The following DIS3L2 variants were observed in gnomAD, a reference collection of about 807,000 sequenced individuals.
DIS3L2 encodes the protein DIS3-like exonuclease 2.
A neutral mutation model predicts 97.5 loss-of-function variants in DIS3L2; 34 were observed. The observed-to-expected ratio is 0.35, with a 90% CI of 0.27 to 0.46. The LOEUF is 0.46. Ranked by LOEUF, DIS3L2 falls within the 20% of genes least tolerant of loss-of-function variation. The pLI is 1.00. For missense variants in DIS3L2, 1,038 were observed against 1,146.0 expected, an observed-to-expected ratio of 0.91 and a Z score of 1.36; for synonymous variants, 435 against 445.2, an observed-to-expected ratio of 0.98 and a Z score of 0.29.
In DIS3L2 at chr2:232,169,092, G is replaced by A. The variant is rs533648294; in HGVS notation, c.1124+5460G>A. 3.9e-5 allele frequency among the ~76,000 whole-genome samples: 6 copies of A among 152,242 alleles called. No individual in the cohort carries two copies. In the South Asian group the frequency reaches 1.2e-3, roughly 32 times the overall value. ...ATTGTAATGAAGGAGGGGGTGCTTG[G>A]TGCAAGTGTTTGTGATCATGTGATT... On this transcript the variant is annotated intron_variant, in intron 9 of 20. Coordinates refer to ENST00000325385, the MANE Select transcript of DIS3L2 (RefSeq NM_152383.5).
At chr2:231,985,877 C>A (rs1255333956) in intron 1 of DIS3L2, among the ~76,000 whole-genome samples, 3 of 152,114 alleles carry the variant, frequency 2.0e-5, no homozygotes, top group African/African-American at 7.2e-5. Flanking sequence ...AGAGTGTTGC[C>A]AGAGGTGATT....
At chr2:232,007,784 A>T (rs151013541) in intron 1 of DIS3L2, among the ~76,000 whole-genome samples, 1 of 152,314 alleles carries the variant, frequency 6.6e-6, no homozygotes, top group African/African-American at 2.4e-5. Flanking sequence ...TTATCTGTTT[A>T]CAAGTTTTAG....
chr2:232,157,576 A>ACCATAAGGTAC (rs1690527448), intron 8 of DIS3L2, among the ~76,000 whole-genome samples: 2 of 152,232 alleles, frequency 1.3e-5, no homozygotes, highest in Admixed American at 1.3e-4. Context: ...TTACATAAGC[A>ACCATAAGGTAC]ATATAGGTAG....
In DIS3L2 at chr2:232,304,824, G is replaced by T. The variant is rs1172422324; in HGVS notation, c.1739+4705G>T. Among the ~76,000 whole-genome samples, 3 of 152,072 alleles carry T rather than the reference G, an allele frequency of 2.0e-5. No homozygotes were observed. The South Asian group carries it at 6.2e-4, about 32-fold the overall frequency. On this transcript the variant is annotated intron_variant, in intron 14 of 20. Transcript: ENST00000325385. ...ATTCATTTTTATTTATATTGTTTAG[G>T]ACTCAATATAGTTCTCATTTAGAAA...
intron 5 of DIS3L2, among the ~76,000 whole-genome samples, chr2:232,072,770 A>G (rs998847299): frequency 1.4e-5 from 2 of 141,210 alleles, no homozygotes; most frequent in African/African-American, 5.5e-5. Flanking sequence ...ATCAGCTGAC[A>G]GTTGGGATGT....
At chr2:232,185,514 C>G (rs1691407862) in intron 9 of DIS3L2, among the ~76,000 whole-genome samples, 1 of 152,130 alleles carries the variant, frequency 6.6e-6, no homozygotes, top group Non-Finnish European at 1.5e-5. Context: ...CAGCAGTGAG[C>G]TATGTTTTTA....
chr2:232,040,020 T>C (rs1438687361), intron 5 of DIS3L2, among the ~76,000 whole-genome samples: 1 of 152,068 alleles, frequency 6.6e-6, no homozygotes, highest in Admixed American at 6.5e-5. Context: ...CATAGGCTGG[T>C]TGGGAAGAGA....
intron 14 of DIS3L2, among the ~76,000 whole-genome samples, chr2:232,312,174 A>G (rs943339550): frequency 3.3e-5 from 5 of 152,212 alleles, no homozygotes; most frequent in African/African-American, 1.2e-4. Flanking sequence ...TTTAACGTAC[A>G]GAAGTACTTA....
intron 9 of DIS3L2, among the ~76,000 whole-genome samples, chr2:232,188,515 G>T (rs891606067): frequency 3.9e-5 from 6 of 152,168 alleles, no homozygotes; most frequent in African/African-American, 1.4e-4. Context: ...AGAGGAATTT[G>T]CCATACATAG....
At chr2:232,330,591 C>G in intron 15 of DIS3L2, 99 bp from the exon 16 acceptor site, 1 of 1,299,910 alleles carries the variant, frequency 7.7e-7, no homozygotes, top group South Asian at 1.2e-5. Flanking sequence ...CAACTCCTCC[C>G]CCCAGAGCCG....
At chr2:231,962,979 C>T (rs768975061) in intron 1 of DIS3L2, among the ~76,000 whole-genome samples, 3 of 151,994 alleles carry the variant, frequency 2.0e-5, no homozygotes, top group Non-Finnish European at 4.4e-5. Flanking sequence ...TTCCAGTCCA[C>T]CATTGATGGT....
chr2:232,065,707 A>G (rs1695836516), intron 5 of DIS3L2, among the ~76,000 whole-genome samples: 2 of 151,966 alleles, frequency 1.3e-5, no homozygotes, highest in Non-Finnish European at 2.9e-5. Context: ...ATCTACTTCT[A>G]TGCATAAAGC....
chr2:231,974,855 G>A (rs577266008), intron 1 of DIS3L2, among the ~76,000 whole-genome samples: 4 of 152,200 alleles, frequency 2.6e-5, no homozygotes, highest in African/African-American at 7.2e-5. Context: ...ATACAGTAAA[G>A]TGATATAGTA....
intron 9 of DIS3L2, among the ~76,000 whole-genome samples, chr2:232,197,526 G>T (rs1691787000): frequency 6.6e-6 from 1 of 152,146 alleles, no homozygotes; most frequent in African/African-American, 2.4e-5. Context: ...TTCAGGTTGA[G>T]GATGGGAAGT....
intron 5 of DIS3L2, among the ~76,000 whole-genome samples, chr2:232,059,806 C>T (rs192896420): frequency 6.6e-5 from 10 of 152,192 alleles, no homozygotes; most frequent in Admixed American, 2.6e-4. Context: ...CTGGAAAGGA[C>T]GTGATTTCAT....
intron 10 of DIS3L2, among the ~76,000 whole-genome samples, chr2:232,230,070 A>G (rs1048166641): frequency 1.3e-5 from 2 of 151,998 alleles, no homozygotes; most frequent in Non-Finnish European, 2.9e-5. Context: ...CGTCATGGCC[A>G]TGGAGTGCTG....
intron 14 of DIS3L2, among the ~76,000 whole-genome samples, chr2:232,306,776 C>T (rs1043767993): frequency 9.9e-5 from 15 of 152,218 alleles, no homozygotes; most frequent in African/African-American, 3.6e-4. Context: ...ACTGGGCACT[C>T]CTCAGCAGCA....
In DIS3L2 at chr2:232,325,600, C is replaced by A. The variant is rs551035199; in HGVS notation, c.1740-4213C>A. ...CCCTGCAGCCACTGTCACAGCACAG[C>A]CCCACCCCAGACCTCCAGAGTGGTG... On this transcript the variant is annotated intron_variant, in intron 14 of 20. Coordinates refer to ENST00000325385, the MANE Select transcript of DIS3L2 (RefSeq NM_152383.5). The surrounding 1 kb of genome is among the most constrained non-coding windows in gnomAD (Gnocchi z 4.6). Among the ~76,000 whole-genome samples the A allele has an allele frequency of 7.2e-5, 11 of 152,308 alleles. No individual in the cohort carries two copies. In the East Asian group the frequency reaches 9.7e-4, roughly 13 times the overall value.
At chr2:232,335,932 T>G in intron 20 of DIS3L2, 58 bp downstream of exon 20, 5 of 1,547,858 alleles carry the variant, frequency 3.2e-6, no homozygotes, top group Non-Finnish European at 3.5e-6. Context: ...TCCTGCCTCC[T>G]GCGGTGCCCC....
Sources: gnomAD v4.1 joint callset for allele counts (sites outside exome capture counted in the v4.1 genomes callset) on GRCh38, gnomAD v4.1.1 for gene constraint, Gnocchi (gnomAD v3.1) non-coding constraint, MANE v1.5 for transcripts, NCBI Gene and HGNC (gene_info 2026-07-23, HGNC 2026-07-21) for gene names.